The following ADCK2 variants were observed in gnomAD, a reference collection of about 807,000 sequenced individuals.
ADCK2 encodes aarF domain containing kinase 2.
Under a neutral mutation model 52.3 loss-of-function variants are expected in ADCK2, and 37 were observed. The observed-to-expected ratio is 0.71, with a 90% confidence interval of 0.54 to 0.93. ADCK2 has a LOEUF of 0.93. Among genes scored for constraint, ADCK2 ranks in the 40% least tolerant of loss-of-function variants. ADCK2 has a pLI of 0.00. For synonymous variants in ADCK2, 321 were observed against 349.2 expected, an observed-to-expected ratio of 0.92 and a Z score of 0.90; for missense variants, 695 against 798.7, an observed-to-expected ratio of 0.87 and a Z score of 1.56.
rs2130777141 is a variant in ADCK2, at chr7:140,673,752, C to T, written c.422C>T (p.Ser141Leu). The change falls in exon 1 of 8, where the codon TCA becomes TTA. Residue 141 changes from serine to leucine, a missense_variant. Physicochemically the swap from Ser to Leu is moderately radical, Grantham distance 145. Coordinates refer to ENST00000072869, the MANE Select transcript of ADCK2 (RefSeq NM_052853.4). This position sits in a 1 kb window ranked among gnomAD's most constrained non-coding sequence, Gnocchi z 6.4. The part of the protein sequence containing the change: ...LHLLLKATET[S>L]GPTYIKLGQW... ...CTGCTTCTGAAAGCCACCGAGACCT[C>T]AGGCCCAACCTACATCAAACTGGGC... 1 of 1,613,516 alleles carries T rather than the reference C, an allele frequency of 6.2e-7. No individual in the cohort carries two copies. Among genetic ancestry groups the T allele is most frequent in the Non-Finnish European group, 8.5e-7 (1 of 1,180,028 alleles).
Position 140,673,841 on chromosome 7 carries a change from C to T in ADCK2, c.511C>T (p.His171Tyr). Residue 171 changes from histidine (H) to tyrosine (Y), a missense_variant, in exon 1 of 8, where the codon CAT becomes TAT. By Grantham distance (83) the His-to-Tyr change is moderately conservative (BLOSUM62 2). Transcript: ENST00000072869. The surrounding 1 kb of genome is among the most constrained non-coding windows in gnomAD (Gnocchi z 6.4). ...EAFCAQFSKL[H>Y]VRVTPHPWTH... The stretch of plus-strand genomic sequence containing the variant: ...TTTCTGTGCCCAATTTTCCAAGCTG[C>T]ATGTCCGAGTGACGCCCCACCCGTG... 1.2e-6 allele frequency: 2 copies of T among 1,614,068 alleles called. No individual in the cohort carries two copies. The highest frequency in any genetic ancestry group is 1.7e-6 in the Non-Finnish European group (2 of 1,180,042).
rs1794463232 is a variant in ADCK2, at chr7:140,678,602, G to A, written c.1081-553G>A. On this transcript the variant is annotated intron_variant, in intron 2 of 7. Transcript: ENST00000072869. The surrounding 1 kb of genome is among the most constrained non-coding windows in gnomAD (Gnocchi z 4.9). Reference sequence around the variant, plus strand: ...GTGCCGGGGGAAGAGCCATCACGGAGAGACAGGTCAGCAGCGGCACCAGCC... The same window carrying A: ...GTGCCGGGGGAAGAGCCATCACGGAAAGACAGGTCAGCAGCGGCACCAGCC... Among the ~76,000 whole-genome samples the A allele has an allele frequency of 6.6e-6, 1 of 152,184 alleles. No homozygotes were observed. Among genetic ancestry groups the A allele is most frequent in the Admixed American group, 6.5e-5 (1 of 15,286 alleles).
rs779834626 is a variant in ADCK2 at position 140,689,617 on chromosome 7, G to A, written c.1578G>A (p.Leu526=). Residue 526 remains leucine (L), a synonymous_variant, in exon 6 of 8, where the codon CTG becomes CTA. Coordinates refer to ENST00000072869, the MANE Select transcript of ADCK2 (RefSeq NM_052853.4). ...TCCAGGGCCAGAGAGTGGCTGAGCT[G>A]ATCCTGCATCATGCCCGGGCCAGCG... is the stretch of plus-strand genomic sequence containing the variant. ...VMGQGQRVAE[L]ILHHARASEC... 13 of 1,609,522 alleles carry A rather than the reference G, an allele frequency of 8.1e-6. No individual in the cohort carries two copies. Among genetic ancestry groups the A allele is most frequent in the African/African-American group, 2.7e-5 (2 of 74,728 alleles).
intron 6 of ADCK2, 53 bp from the exon 7 acceptor site, chr7:140,690,707 A>G: frequency 1.3e-6 from 2 of 1,556,028 alleles, no homozygotes; most frequent in Non-Finnish European, 1.8e-6. Context: ...GTGGGAAATG[A>G]GCGGTTCTGG....
rs1482248927 is a variant in ADCK2, at chr7:140,684,936, C to A, written c.1306-2054C>A. Among the ~76,000 whole-genome samples, 3 of 151,988 alleles carry A rather than the reference C, an allele frequency of 2.0e-5. No individual in the cohort carries two copies. The East Asian group carries it at 5.8e-4, about 29-fold the overall frequency. ...CACAGGAACAGGGCTCCAAGGGGCA[C>A]AAGAGGGATGTAGCCAGGGGAGAAG... On this transcript the variant is annotated intron_variant, in intron 4 of 7. Transcript: ENST00000072869.
intron 5 of ADCK2, among the ~76,000 whole-genome samples, chr7:140,688,384 C>T (rs1032727898): frequency 4.6e-5 from 7 of 152,114 alleles, no homozygotes; most frequent in Non-Finnish European, 1.0e-4. Flanking sequence ...CTCCTTAGCC[C>T]GGTCATTCTT....
chr7:140,683,718 G>A (rs544887625), intron 4 of ADCK2, among the ~76,000 whole-genome samples: 1 of 152,306 alleles, frequency 6.6e-6, no homozygotes, highest in South Asian at 2.1e-4. Flanking sequence ...GGGGACATCT[G>A]GCGATGTCTG....
In ADCK2 at chr7:140,673,803, T is replaced by C; in HGVS notation, c.473T>C (p.Leu158Pro). Residue 158 changes from leucine to proline, a missense_variant, in exon 1 of 8, where the codon CTG (leucine) becomes CCG (proline). Physicochemically the swap from Leu to Pro is moderately conservative, Grantham distance 98. Coordinates refer to ENST00000072869, the MANE Select transcript of ADCK2 (RefSeq NM_052853.4). The surrounding 1 kb of genome is among the most constrained non-coding windows in gnomAD (Gnocchi z 6.4). ...CAGTGGGCCAGCACCCGGCGCGATCTGTTTTCGGAGGCTTTCTGTGCCCAA... is the reference window on the plus strand; with the variant it reads ...CAGTGGGCCAGCACCCGGCGCGATCCGTTTTCGGAGGCTTTCTGTGCCCAA... ...LGQWASTRRDLFSEAFCAQFS... is the reference protein window; with the variant it reads ...LGQWASTRRDPFSEAFCAQFS... 1 of 1,613,154 alleles carries C rather than the reference T, an allele frequency of 6.2e-7. No individual in the cohort carries two copies. The highest frequency in any genetic ancestry group is 8.5e-7 in the Non-Finnish European group (1 of 1,179,946).
intron 2 of ADCK2, 76 bp from the exon 3 acceptor site, chr7:140,679,079 T>C (rs1794471273): frequency 6.4e-7 from 1 of 1,552,736 alleles, no homozygotes; most frequent in Admixed American, 1.8e-5. Context: ...CATGACTTGC[T>C]AGCTCCTTGG....
chr7:140,673,234 G>T lies in ADCK2; in HGVS notation c.-97G>T. The T allele has an allele frequency of 9.1e-7, 1 of 1,100,428 alleles. No homozygotes were observed. The highest frequency in any genetic ancestry group is 1.2e-6 in the Non-Finnish European group (1 of 832,062). 68.2% of individuals were successfully genotyped at this position (1,100,428 alleles called of 1,614,324 possible). ...CCGGCCCAGATGGGCAGCTCCGTCC[G>T]CGGGGTCAGGGCCGGGCTTCGGCTT... On this transcript the variant is annotated 5_prime_UTR_variant, in exon 1 of 8. Transcript: ENST00000072869. This position sits in a 1 kb window ranked among gnomAD's most constrained non-coding sequence, Gnocchi z 6.4.
rs1794773830 is a variant in ADCK2 at position 140,694,917 on chromosome 7, C to G, written c.*114C>G. ...GGACACCAATTTCAAATGTAACCCT[C>G]CAGTGGTGGAAGGCACACCATGGCT... On this transcript the variant is annotated 3_prime_UTR_variant, in exon 8 of 8. Coordinates refer to ENST00000072869, the MANE Select transcript of ADCK2 (RefSeq NM_052853.4). 1.4e-6 allele frequency: 2 copies of G among 1,454,710 alleles called. No individual in the cohort carries two copies. The highest frequency in any genetic ancestry group is 1.8e-6 in the Non-Finnish European group (2 of 1,108,770). 90.1% of individuals were successfully genotyped at this position (1,454,710 alleles called of 1,614,324 possible). A position where few individuals can be genotyped will look rare whatever the true frequency, so the allele number is the denominator to read the frequency against.
chr7:140,692,103 A>C (rs1794718117), intron 7 of ADCK2, among the ~76,000 whole-genome samples: 1 of 152,188 alleles, frequency 6.6e-6, no homozygotes, highest in African/African-American at 2.4e-5. Context: ...AACCCTCTCC[A>C]GATGCATAGT....
Position 140,673,767 on chromosome 7 carries a change from T to A in ADCK2, c.437T>A (p.Ile146Asn). ...KATETSGPTY[I>N]KLGQWASTRR... The stretch of plus-strand genomic sequence containing the variant: ...ACCGAGACCTCAGGCCCAACCTACA[T>A]CAAACTGGGCCAGTGGGCCAGCACC... The change falls in exon 1 of 8, where the codon ATC (isoleucine) becomes AAC (asparagine). Residue 146 changes from isoleucine to asparagine, a missense_variant. Coordinates refer to ENST00000072869, the MANE Select transcript of ADCK2 (RefSeq NM_052853.4). This position sits in a 1 kb window ranked among gnomAD's most constrained non-coding sequence, Gnocchi z 6.4. 1 of 1,613,142 alleles carries A rather than the reference T, an allele frequency of 6.2e-7. No homozygotes were observed. Among genetic ancestry groups the A allele is most frequent in the Admixed American group, 1.7e-5 (1 of 59,958 alleles).
intron 5 of ADCK2, among the ~76,000 whole-genome samples, chr7:140,687,446 G>T (rs1418340884): frequency 1.3e-5 from 2 of 152,132 alleles, no homozygotes; most frequent in Non-Finnish European, 2.9e-5. Context: ...CAGGCACAGT[G>T]GTTCACGCCT....
chr7:140,690,735 A>G, intron 6 of ADCK2, 25 bp from the exon 7 acceptor site: 1 of 1,611,584 alleles, frequency 6.2e-7, no homozygotes, highest in Non-Finnish European at 8.5e-7. Flanking sequence ...GGTGGTCTGC[A>G]TTAGCCTTTA....
At position 140,678,279 on chromosome 7, in the gene ADCK2, A is replaced by G. The variant is rs1045569253; in HGVS notation, c.1081-876A>G. ...TGATCTGGGGACTCAAAGGTGACTG[A>G]GTGCGTGGGGATGGTGAAGGGAAAT... On this transcript the variant is annotated intron_variant, in intron 2 of 7. Coordinates refer to ENST00000072869, the MANE Select transcript of ADCK2 (RefSeq NM_052853.4). The surrounding 1 kb of genome is among the most constrained non-coding windows in gnomAD (Gnocchi z 4.9). Among the ~76,000 whole-genome samples, 2 of 152,104 alleles carry G rather than the reference A, an allele frequency of 1.3e-5. No individual in the cohort carries two copies. Among genetic ancestry groups the G allele is most frequent in the Admixed American group, 6.5e-5 (1 of 15,280 alleles).
At chr7:140,684,451 T>C (rs922515304) in intron 4 of ADCK2, among the ~76,000 whole-genome samples, 5 of 152,034 alleles carry the variant, frequency 3.3e-5, no homozygotes, top group African/African-American at 1.2e-4. Flanking sequence ...GGGTCTGGAC[T>C]TTCTGGTGGT....
At position 140,687,055 on chromosome 7, in the gene ADCK2, C is replaced by T. The variant is rs754347728; in HGVS notation, c.1371C>T (p.Asn457=). ...HPGNILVQGA[N]GLSSSQEAQL... ...GAAACATCCTGGTTCAGGGTGCCAA[C>T]GGCCTGTCCTCGAGTCAGGAGGCGC... is the stretch of plus-strand genomic sequence containing the variant. Residue 457 remains asparagine (N), a synonymous_variant, in exon 5 of 8, where the codon AAC becomes AAT. Transcript: ENST00000072869. 2.5e-5 allele frequency: 41 copies of T among 1,613,996 alleles called. No individual in the cohort carries two copies. The highest frequency in any genetic ancestry group is 9.3e-5 in the African/African-American group (7 of 74,912).
In ADCK2 at chr7:140,694,659, C is replaced by G; in HGVS notation, c.1741-4C>G. 6.2e-7 allele frequency: 1 copy of G among 1,612,964 alleles called. No individual in the cohort carries two copies. The highest frequency in any genetic ancestry group is 8.5e-7 in the Non-Finnish European group (1 of 1,179,362). On this transcript the variant is annotated splice_polypyrimidine_tract_variant and splice_region_variant and intron_variant, in intron 7 of 7. Coordinates refer to ENST00000072869, the MANE Select transcript of ADCK2 (RefSeq NM_052853.4). ...AGATGAACTGTTCTGTTTTTCTGTT[C>G]CAGGTAAAGCTTGAGAGCAACTTTG...
Sources: gnomAD v4.1 joint callset for allele counts (sites outside exome capture counted in the v4.1 genomes callset) on GRCh38, gnomAD v4.1.1 for gene constraint, Gnocchi (gnomAD v3.1) non-coding constraint, MANE v1.5 for transcripts, NCBI Gene and HGNC (gene_info 2026-07-23, HGNC 2026-07-21) for gene names.